WDR33: variants seen among roughly 807,000 people sequenced by gnomAD.
WDR33 encodes WD repeat domain 33.
In WDR33, 47 loss-of-function variants were observed where a neutral mutation model predicts 164.9. The ratio of observed to expected loss-of-function variants is 0.29; its 90% CI spans 0.23 to 0.36. The LOEUF is 0.36. WDR33 is among the 10% of genes least tolerant of loss of function. The pLI is 1.00. For missense variants in WDR33, 1,137 were observed against 1,754.1 expected (o/e 0.65, Z 6.28); for synonymous variants, 505 against 589.0 (o/e 0.86, Z 2.06).
At position 127,741,155 on chromosome 2, in the gene WDR33, A is replaced by ATTATACAAAGCACATTTG. The variant is rs1668535230; in HGVS notation, c.725-14396_725-14379dup. 1.3e-5 allele frequency among the ~76,000 whole-genome samples: 2 copies of ATTATACAAAGCACATTTG among 152,200 alleles called. No individual in the cohort carries two copies. Among genetic ancestry groups the ATTATACAAAGCACATTTG allele is most frequent in the African/African-American group, 2.4e-5 (1 of 41,444 alleles). ...AGATGCTCTCAGTCAGACAAAGCAAATTATACAAAGCACATTTGTTACAAA... is the reference window on the plus strand; with the variant it reads ...AGATGCTCTCAGTCAGACAAAGCAAATTATACAAAGCACATTTGTTATACAAAGCACATTTGTTACAAA... On this transcript the variant is annotated intron_variant, in intron 7 of 21. Coordinates refer to ENST00000322313, the MANE Select transcript of WDR33 (RefSeq NM_018383.5). This position sits in a 1 kb window ranked among gnomAD's most constrained non-coding sequence, Gnocchi z 4.1.
intron 1 of WDR33, among the ~76,000 whole-genome samples, chr2:127,775,337 C>T (rs866206239): frequency 6.6e-6 from 1 of 152,186 alleles, no homozygotes; most frequent in South Asian, 2.1e-4. Context: ...TATAAGTGCA[C>T]TCCACCACTT....
chr2:127,808,071 G>A (rs868008981), intron 1 of WDR33, among the ~76,000 whole-genome samples: 1 of 152,156 alleles, frequency 6.6e-6, no homozygotes, highest in Non-Finnish European at 1.5e-5. Context: ...GCAGAGAAAG[G>A]AGTGATTAAC....
intron 7 of WDR33, among the ~76,000 whole-genome samples, chr2:127,730,971 AC>A (rs754875846): frequency 2.0e-5 from 3 of 151,952 alleles, no homozygotes; most frequent in Non-Finnish European, 4.4e-5. Flanking sequence ...AATGCAAGTT[AC>A]TTTGCTAAGT....
rs1686386935 is a variant in WDR33 at position 127,719,787 on chromosome 2, G to A, written c.2238C>T (p.Pro746=). 6.2e-7 allele frequency: 1 copy of A among 1,613,650 alleles called. No homozygotes were observed. The highest frequency in any genetic ancestry group is 8.5e-7 in the Non-Finnish European group (1 of 1,179,992). ...GATGAGGAGGCCCTTGCATTCCTCT[G>A]GGACCAGGTGGTCCCTGCATACCTT... ...GTQGMQGPPG[P]RGMQGPPHPH... The change falls in exon 16 of 22, where the codon CCC becomes CCT. Residue 746 remains proline, a synonymous_variant. Transcript: ENST00000322313. The surrounding 1 kb of genome is among the most constrained non-coding windows in gnomAD (Gnocchi z 6.5).
Position 127,709,969 on chromosome 2 carries a change from G to A in WDR33, c.3309-113C>T. 7.5e-7 allele frequency: 1 copy of A among 1,336,982 alleles called. No individual in the cohort carries two copies. The highest frequency in any genetic ancestry group is 1.0e-6 in the Non-Finnish European group (1 of 976,416). 82.8% of individuals were successfully genotyped at this position (1,336,982 alleles called of 1,614,324 possible). On this transcript the variant is annotated intron_variant, in intron 18 of 21. Coordinates refer to ENST00000322313, the MANE Select transcript of WDR33 (RefSeq NM_018383.5). This position sits in a 1 kb window ranked among gnomAD's most constrained non-coding sequence, Gnocchi z 5.0. ...AGCATGATACAATGTTAATTGGGAG[G>A]AAAACAAAATAAAACTATATATTTT...
intron 1 of WDR33, among the ~76,000 whole-genome samples, chr2:127,787,563 G>A (rs1344838061): frequency 5.6e-5 from 6 of 107,080 alleles, no homozygotes; most frequent in Admixed American, 2.5e-4. Flanking sequence ...CCTCCCGGAC[G>A]GGGCGGCTGG....
chr2:127,762,164 G>A (rs1383321282), intron 7 of WDR33, among the ~76,000 whole-genome samples: 2 of 152,150 alleles, frequency 1.3e-5, no homozygotes, highest in Non-Finnish European at 2.9e-5. Flanking sequence ...CTGTATTTAT[G>A]TGTCAGAGAA....
rs1489661734 is a variant in WDR33, at chr2:127,706,852, A to G, written c.3782-300T>C. 6.6e-6 allele frequency among the ~76,000 whole-genome samples: 1 copy of G among 152,208 alleles called. No homozygotes were observed. The highest frequency in any genetic ancestry group is 6.5e-5 in the Admixed American group (1 of 15,292). Reference sequence around the variant, plus strand: ...GCACCTTCAGGGAGACCCGGGCCACACTGGGCCATGTCCCAGGCCATGGGA... The same window carrying G: ...GCACCTTCAGGGAGACCCGGGCCACGCTGGGCCATGTCCCAGGCCATGGGA... On this transcript the variant is annotated intron_variant, in intron 21 of 21. Coordinates refer to ENST00000322313, the MANE Select transcript of WDR33 (RefSeq NM_018383.5). This position sits in a 1 kb window ranked among gnomAD's most constrained non-coding sequence, Gnocchi z 5.1.
At position 127,763,169 on chromosome 2, in the gene WDR33, G is replaced by A; in HGVS notation, c.627-10C>T. 1 of 1,613,964 alleles carries A rather than the reference G, an allele frequency of 6.2e-7. No individual in the cohort carries two copies. The highest frequency in any genetic ancestry group is 8.5e-7 in the Non-Finnish European group (1 of 1,179,850). On this transcript the variant is annotated splice_polypyrimidine_tract_variant and intron_variant, in intron 6 of 21. Transcript: ENST00000322313. The surrounding 1 kb of genome is among the most constrained non-coding windows in gnomAD (Gnocchi z 4.5). The stretch of plus-strand genomic sequence containing the variant: ...ATCCGTGGGTGAGAAACTGTTACAT[G>A]AAGACACACAGCAGGGGAAAGAAGT...
chr2:127,764,580 C>G lies in WDR33; in HGVS notation c.626+248G>C. 6.4e-7 allele frequency: 1 copy of G among 1,551,242 alleles called. No homozygotes were observed. Among genetic ancestry groups the G allele is most frequent in the Non-Finnish European group, 8.7e-7 (1 of 1,146,870 alleles). ...TTAATCATAAATGAAAAGAGAAAAC[C>G]AGTGCAAAATGCGGCAGACAGTACA... is the stretch of plus-strand genomic sequence containing the variant. On this transcript the variant is annotated intron_variant, in intron 6 of 21. Coordinates refer to ENST00000322313, the MANE Select transcript of WDR33 (RefSeq NM_018383.5). The surrounding 1 kb of genome is among the most constrained non-coding windows in gnomAD (Gnocchi z 6.2).
intron 2 of WDR33, 22 bp from the exon 3 acceptor site, chr2:127,769,023 A>AAATG: frequency 7.9e-7 from 1 of 1,265,046 alleles, no homozygotes; most frequent in Non-Finnish European, 1.0e-6. Context: ...ATAAATAAAT[A>AAATG]AATAAATAAA....
intron 4 of WDR33, among the ~76,000 whole-genome samples, chr2:127,766,623 T>C (rs1001299830): frequency 5.8e-4 from 88 of 152,302 alleles, no homozygotes; most frequent in African/African-American, 2.0e-3. Flanking sequence ...AAGATATGGA[T>C]GCTCGGATTT....
rs986596040 is a variant in WDR33, at chr2:127,712,502, C to A, written c.3308+1081G>T. Among the ~76,000 whole-genome samples the A allele has an allele frequency of 6.6e-6, 1 of 152,176 alleles. No homozygotes were observed. Among genetic ancestry groups the A allele is most frequent in the African/African-American group, 2.4e-5 (1 of 41,434 alleles). On this transcript the variant is annotated intron_variant, in intron 18 of 21. Transcript: ENST00000322313. This position sits in a 1 kb window ranked among gnomAD's most constrained non-coding sequence, Gnocchi z 4.0. ...GTGCTGAACAGCATGGGCCTGAAGC[C>A]CAGCTCTGACACCTACCACCTGCCA...
intron 1 of WDR33, among the ~76,000 whole-genome samples, chr2:127,797,279 G>A (rs1164722144): frequency 6.6e-6 from 1 of 152,028 alleles, no homozygotes; most frequent in Non-Finnish European, 1.5e-5. Flanking sequence ...AGATCATGAG[G>A]TCAGAAGTTC....
intron 1 of WDR33, among the ~76,000 whole-genome samples, chr2:127,784,211 A>T (rs13416413): frequency 0.021 from 3,235 of 152,214 alleles, 124 homozygotes; most frequent in African/African-American, 0.075. Flanking sequence ...ATAGCCGGGC[A>T]TATATGAAAT....
chr2:127,789,847 T>C (rs1688781921), intron 1 of WDR33, among the ~76,000 whole-genome samples: 1 of 152,076 alleles, frequency 6.6e-6, no homozygotes, highest in Non-Finnish European at 1.5e-5. Context: ...AAAAAAAATT[T>C]TTTTTTGAGA....
intron 1 of WDR33, among the ~76,000 whole-genome samples, chr2:127,780,970 C>T (rs1688349518): frequency 6.6e-6 from 1 of 152,178 alleles, no homozygotes; most frequent in Non-Finnish European, 1.5e-5. Context: ...AAGCAATTCT[C>T]CCACCTCAGC....
At position 127,735,395 on chromosome 2, in the gene WDR33, A is replaced by G. The variant is rs780187430; in HGVS notation, c.725-8618T>C. On this transcript the variant is annotated intron_variant, in intron 7 of 21. Transcript: ENST00000322313. The surrounding 1 kb of genome is among the most constrained non-coding windows in gnomAD (Gnocchi z 4.3). ...TGAACAGTCTGAAAACCAATACATA[A>G]TAAGTTTTATTTGAAGGTCAGAAAT... 1.3e-5 allele frequency: 13 copies of G among 985,712 alleles called. No individual in the cohort carries two copies. Among genetic ancestry groups the G allele is most frequent in the African/African-American group, 7.0e-5 (4 of 57,242 alleles). The allele number at this position is 985,712 out of a possible 1,614,324, so 61.1% of individuals were successfully genotyped here.
chr2:127,804,177 C>A (rs1210685138), intron 1 of WDR33, among the ~76,000 whole-genome samples: 1 of 151,892 alleles, frequency 6.6e-6, no homozygotes, highest in Admixed American at 6.6e-5. Flanking sequence ...AAAAATTAGC[C>A]AGGCATGGTG....
Sources: gnomAD v4.1 joint callset for allele counts (sites outside exome capture counted in the v4.1 genomes callset) on GRCh38, gnomAD v4.1.1 for gene constraint, Gnocchi (gnomAD v3.1) non-coding constraint, MANE v1.5 for transcripts, NCBI Gene and HGNC (gene_info 2026-07-23, HGNC 2026-07-21) for gene names.